The following PKHD1 variants were observed in gnomAD, a reference collection of about 807,000 sequenced individuals.
The protein encoded by PKHD1 is PKHD1 ciliary IPT domain containing fibrocystin/polyductin, also known as fibrocystin.
In PKHD1, 291 loss-of-function variants were observed where a neutral mutation model predicts 412.0. The observed-to-expected ratio is 0.71, with a 90% CI of 0.64 to 0.78. The LOEUF is 0.78. Ranked by LOEUF, PKHD1 falls within the 30% of genes least tolerant of loss-of-function variation. The pLI is 0.00. For synonymous variants in PKHD1, 1,777 were observed against 1,821.5 expected (o/e 0.98, Z 0.62); for missense variants, 4,825 against 4,950.7 (o/e 0.97, Z 0.76).
chr6:51,720,899 G>T, intron 60 of PKHD1: 1 of 697,534 alleles, frequency 1.4e-6, no homozygotes, highest in Non-Finnish European at 1.8e-6. Flanking sequence ...TACAGTAAAT[G>T]CCCAATAAGT....
At chr6:52,019,632 A>T (rs1184936416) in intron 33 of PKHD1, among the ~76,000 whole-genome samples, 1 of 152,248 alleles carries the variant, frequency 6.6e-6, no homozygotes, top group African/African-American at 2.4e-5. Context: ...TTTTACTCAA[A>T]GTTCTGCCAC....
intron 61 of PKHD1, among the ~76,000 whole-genome samples, chr6:51,655,824 A>G (rs778028102): frequency 2.0e-5 from 3 of 152,144 alleles, no homozygotes; most frequent in Non-Finnish European, 4.4e-5. Flanking sequence ...CAATTATTAA[A>G]AAGTCAGGAA....
intron 35 of PKHD1, among the ~76,000 whole-genome samples, chr6:51,977,727 G>A (rs138493709): frequency 1.9e-4 from 29 of 152,304 alleles, no homozygotes; most frequent in African/African-American, 6.7e-4. Flanking sequence ...GAACCTATGG[G>A]AGAGCTTAAT....
chr6:51,963,638 C>T lies in PKHD1; in HGVS notation c.5752-3612G>A, dbSNP rs537252518. Among the ~76,000 whole-genome samples the T allele has an allele frequency of 7.9e-5, 12 of 152,180 alleles. No homozygotes were observed. In the South Asian group the frequency reaches 2.5e-3, roughly 32 times the overall value. On this transcript the variant is annotated intron_variant, in intron 35 of 66. Coordinates refer to ENST00000371117, the MANE Select transcript of PKHD1 (RefSeq NM_138694.4). ...TTAACAGAGCTGGTGCTATCATTCCCTCCCAGGGAAATGCTCCATGAAACA... is the reference window on the plus strand; with the variant it reads ...TTAACAGAGCTGGTGCTATCATTCCTTCCCAGGGAAATGCTCCATGAAACA...
chr6:51,775,079 A>AAT, intron 54 of PKHD1, among the ~76,000 whole-genome samples: 1 of 141,210 alleles, frequency 7.1e-6, no homozygotes, highest in East Asian at 2.0e-4. Context: ...TAAATATAAT[A>AAT]ACATTTAAGC....
Position 51,744,533 on chromosome 6 carries a change from T to C in PKHD1, c.10008A>G (p.Leu3336=). The C allele has an allele frequency of 6.2e-7, 1 of 1,612,806 alleles. No individual in the cohort carries two copies. The highest frequency in any genetic ancestry group is 2.2e-5 in the East Asian group (1 of 44,864). ...YFPSLQPRKD[L]GKVVCPELDC... ...CTAATTCAGGACAGACTACTTTTCC[T>C]AAATCTTTCCTGTGAAGACAGTCAA... Residue 3336 remains leucine (L), a synonymous_variant, in exon 60 of 67, where the codon TTA becomes TTG. Transcript: ENST00000371117.
intron 60 of PKHD1, among the ~76,000 whole-genome samples, chr6:51,660,706 A>G (rs1772695612): frequency 6.6e-6 from 1 of 152,184 alleles, no homozygotes; most frequent in South Asian, 2.1e-4. Context: ...GACAGATGGA[A>G]GAGACGCATA....
At chr6:52,030,204 T>A (rs1377500893) in intron 29 of PKHD1, among the ~76,000 whole-genome samples, 2 of 152,162 alleles carry the variant, frequency 1.3e-5, no homozygotes, top group Non-Finnish European at 2.9e-5. Context: ...GGATGTGGTG[T>A]GGTGGGAAGA....
chr6:51,983,849 T>A (rs1795890825), intron 35 of PKHD1, among the ~76,000 whole-genome samples: 2 of 152,240 alleles, frequency 1.3e-5, no homozygotes, highest in African/African-American at 4.8e-5. Context: ...CCTAACGGTG[T>A]GTTTATTGAA....
intron 60 of PKHD1, among the ~76,000 whole-genome samples, chr6:51,738,736 C>T (rs968586889): frequency 3.3e-5 from 5 of 152,176 alleles, no homozygotes; most frequent in African/African-American, 1.2e-4. Flanking sequence ...AAACTGCACA[C>T]AGTGGTCTCC....
At chr6:52,041,608 A>G (rs1804901725) in intron 27 of PKHD1, among the ~76,000 whole-genome samples, 1 of 152,200 alleles carries the variant, frequency 6.6e-6, no homozygotes, top group Non-Finnish European at 1.5e-5. Context: ...CTTTCCCCAT[A>G]GTCTTAATAA....
chr6:51,632,142 C>T (rs1038144587), intron 65 of PKHD1, among the ~76,000 whole-genome samples: 2 of 151,956 alleles, frequency 1.3e-5, no homozygotes, highest in Non-Finnish European at 2.9e-5. Context: ...CAGGGTTTCA[C>T]CATGTTGGCC....
intron 35 of PKHD1, among the ~76,000 whole-genome samples, chr6:51,969,426 T>C (rs1356581028): frequency 6.6e-6 from 1 of 152,178 alleles, no homozygotes. Context: ...TTAATAGATT[T>C]AGAGGGTACA....
chr6:51,965,147 C>T (rs564009593), intron 35 of PKHD1, among the ~76,000 whole-genome samples: 102 of 152,156 alleles, frequency 6.7e-4, no homozygotes, highest in Non-Finnish European at 8.5e-4. Context: ...AGGCGTTTCT[C>T]CCAAATAAAT....
At chr6:51,969,414 T>G (rs1239869966) in intron 35 of PKHD1, among the ~76,000 whole-genome samples, 1 of 152,204 alleles carries the variant, frequency 6.6e-6, no homozygotes, top group Non-Finnish European at 1.5e-5. Flanking sequence ...TAAAAAATTT[T>G]TTTAATAGAT....
intron 40 of PKHD1, among the ~76,000 whole-genome samples, chr6:51,907,386 C>T (rs1329971081): frequency 1.3e-5 from 2 of 152,148 alleles, no homozygotes; most frequent in African/African-American, 4.8e-5. Context: ...GGTGCCCTCA[C>T]ATTGCTCATC....
chr6:51,664,090 G>C (rs1022417212), intron 60 of PKHD1, among the ~76,000 whole-genome samples: 5 of 151,986 alleles, frequency 3.3e-5, no homozygotes, highest in African/African-American at 1.2e-4. Flanking sequence ...TTTTTTTGGA[G>C]TAATAAGGTA....
intron 35 of PKHD1, among the ~76,000 whole-genome samples, chr6:51,969,213 C>CACAGCCA (rs1793294837): frequency 1.3e-5 from 2 of 152,144 alleles, no homozygotes; most frequent in South Asian, 4.1e-4. Context: ...TGAAAGTGGT[C>CACAGCCA]ACAGCCAACA....
intron 44 of PKHD1, among the ~76,000 whole-genome samples, chr6:51,886,825 GTAA>G (rs1220135174): frequency 2.6e-5 from 4 of 152,150 alleles, no homozygotes; most frequent in South Asian, 4.1e-4. Flanking sequence ...CGTTCTTACA[GTAA>G]TAATAATAAT....
Sources: gnomAD v4.1 joint callset for allele counts (sites outside exome capture counted in the v4.1 genomes callset) on GRCh38, gnomAD v4.1.1 for gene constraint, MANE v1.5 for transcripts, NCBI Gene and HGNC (gene_info 2026-07-23, HGNC 2026-07-21) for gene names.